The following KLHL29 variants were observed in gnomAD, a reference collection of about 807,000 sequenced individuals.
The protein encoded by KLHL29 is kelch-like protein 29.
In KLHL29, 21 loss-of-function variants were observed where a neutral mutation model predicts 80.4. That is an observed-to-expected ratio of 0.26 (90% CI 0.19 to 0.38). The LOEUF (loss-of-function observed/expected upper bound fraction) is 0.38. Among genes scored for constraint, KLHL29 ranks in the 10% least tolerant of loss-of-function variants. The probability of loss-of-function intolerance (pLI) is 1.00; values close to 1 mark genes in which losing one functional copy is unlikely to be tolerated. For synonymous variants in KLHL29, 511 were observed against 526.8 expected, an observed-to-expected ratio of 0.97 and a Z score of 0.41; for missense variants, 867 against 1,223.9, an observed-to-expected ratio of 0.71 and a Z score of 4.35.
chr2:23,523,932 C>A (rs777343648), intron 2 of KLHL29: 4 of 465,496 alleles, frequency 8.6e-6, no homozygotes, highest in African/African-American at 2.0e-5. Flanking sequence ...GAAAGAGGGA[C>A]CTTGAAGTAA....
intron 2 of KLHL29, among the ~76,000 whole-genome samples, chr2:23,557,956 A>G (rs953746548): frequency 2.6e-5 from 4 of 152,258 alleles, no homozygotes; most frequent in Middle Eastern, 6.8e-3. Context: ...CAGTGTGCGT[A>G]GGGAAACGCT....
At chr2:23,594,770 C>A (rs1279157032) in intron 3 of KLHL29, among the ~76,000 whole-genome samples, 1 of 152,190 alleles carries the variant, frequency 6.6e-6, no homozygotes, top group Non-Finnish European at 1.5e-5. Flanking sequence ...AATGCTGCTC[C>A]CATTCTACAT....
At chr2:23,452,664 T>A (rs1663915868) in intron 1 of KLHL29, among the ~76,000 whole-genome samples, 1 of 152,226 alleles carries the variant, frequency 6.6e-6, no homozygotes, top group Non-Finnish European at 1.5e-5. Context: ...ACTGTCCCTG[T>A]TGGTCTTCTT....
intron 1 of KLHL29, among the ~76,000 whole-genome samples, chr2:23,429,053 G>A (rs1033243522): frequency 1.3e-4 from 20 of 152,200 alleles, no homozygotes; most frequent in African/African-American, 4.8e-4. Context: ...TGTGCACAGC[G>A]AGGGAGTTTG....
chr2:23,625,420 GA>G (rs1194812950), intron 3 of KLHL29, among the ~76,000 whole-genome samples: 1 of 152,228 alleles, frequency 6.6e-6, no homozygotes, highest in Non-Finnish European at 1.5e-5. Context: ...GGGCACGGTG[GA>G]TTCTCCGGAG....
intron 2 of KLHL29, among the ~76,000 whole-genome samples, chr2:23,516,845 TGAGGCAG>T (rs370119287): frequency 2.2e-4 from 33 of 152,088 alleles, no homozygotes; most frequent in African/African-American, 6.5e-4. Context: ...TGATCTGGGG[TGAGGCAG>T]GAGGCAGGAG....
At chr2:23,670,931 TC>T (rs746189772) in intron 5 of KLHL29, among the ~76,000 whole-genome samples, 124 of 8,138 alleles carry the variant, frequency 0.015, 8 homozygotes, top group South Asian at 0.054. Context: ...TCTCTCTCTC[TC>T]TCTCTCTCTC....
chr2:23,653,856 T>C (rs1303659531), intron 5 of KLHL29, among the ~76,000 whole-genome samples: 2 of 152,126 alleles, frequency 1.3e-5, no homozygotes, highest in African/African-American at 4.8e-5. Flanking sequence ...AAAACGACTC[T>C]TATATCCTGG....
At position 23,642,316 on chromosome 2, in the gene KLHL29, G is replaced by A. The variant is rs79288680; in HGVS notation, c.428-22G>A. 3,071 of 1,394,146 alleles carry A rather than the reference G, an allele frequency of 2.2e-3. 43 individuals are homozygous for A. In the African/African-American group the frequency reaches 0.03, roughly 13 times the overall value. 86.4% of individuals were successfully genotyped at this position (1,394,146 alleles called of 1,614,324 possible). A position where few individuals can be genotyped will look rare whatever the true frequency, so the allele number is the denominator to read the frequency against. Reference sequence around the variant, plus strand: ...AATGAAAATGTAACCGGCAGATGACGTTTCTTCCATCTCCCTTGCAGGCAC... The same window carrying A: ...AATGAAAATGTAACCGGCAGATGACATTTCTTCCATCTCCCTTGCAGGCAC... On this transcript the variant is annotated intron_variant, in intron 4 of 13. Transcript: ENST00000486442.
rs558466482 is a variant in KLHL29 at position 23,528,286 on chromosome 2, T to G, written c.-45-33866T>G. Among the ~76,000 whole-genome samples, 8 of 152,194 alleles carry G rather than the reference T, an allele frequency of 5.3e-5. No individual in the cohort carries two copies. The South Asian group carries it at 1.7e-3, about 32-fold the overall frequency. ...ATGGGGCTCTGCTGACGGAGGGTGTTTAACAATGAAGCCCTGGGCCGGTTT... is the reference window on the plus strand; with the variant it reads ...ATGGGGCTCTGCTGACGGAGGGTGTGTAACAATGAAGCCCTGGGCCGGTTT... On this transcript the variant is annotated intron_variant, in intron 2 of 13. Coordinates refer to ENST00000486442, the MANE Select transcript of KLHL29 (RefSeq NM_052920.2).
chr2:23,527,785 A>G (rs1666371927), intron 2 of KLHL29, among the ~76,000 whole-genome samples: 1 of 152,216 alleles, frequency 6.6e-6, no homozygotes, highest in Non-Finnish European at 1.5e-5. Flanking sequence ...CATAGGAGCA[A>G]CTGGTAGTCC....
intron 1 of KLHL29, among the ~76,000 whole-genome samples, chr2:23,473,416 T>G (rs1664549708): frequency 1.3e-5 from 2 of 151,950 alleles, no homozygotes; most frequent in Non-Finnish European, 2.9e-5. Context: ...AGCCAATGGG[T>G]CATTCACTTC....
At chr2:23,611,303 G>A (rs758658245) in intron 3 of KLHL29, among the ~76,000 whole-genome samples, 1 of 152,174 alleles carries the variant, frequency 6.6e-6, no homozygotes, top group Non-Finnish European at 1.5e-5. Flanking sequence ...TGAGCAGGGC[G>A]CTTGACAGCA....
intron 3 of KLHL29, among the ~76,000 whole-genome samples, chr2:23,573,038 C>A (rs1667755598): frequency 7.2e-6 from 1 of 139,498 alleles, no homozygotes; most frequent in Admixed American, 7.4e-5. Context: ...GAAGACGTAA[C>A]CCCGTGGTGA....
At chr2:23,407,299 C>A (rs1159759314) in intron 1 of KLHL29, among the ~76,000 whole-genome samples, 1 of 151,708 alleles carries the variant, frequency 6.6e-6, no homozygotes, top group South Asian at 2.1e-4. Context: ...CTCACTTTAC[C>A]CTATTCTATC....
At chr2:23,490,601 G>A (rs953429975) in intron 2 of KLHL29, among the ~76,000 whole-genome samples, 2 of 152,098 alleles carry the variant, frequency 1.3e-5, no homozygotes, top group African/African-American at 2.4e-5. Flanking sequence ...TACCATGGGG[G>A]AAAAAACCCA....
intron 2 of KLHL29, among the ~76,000 whole-genome samples, chr2:23,534,083 T>C (rs1572384382): frequency 6.6e-6 from 1 of 152,192 alleles, no homozygotes; most frequent in African/African-American, 2.4e-5. Context: ...CGGGGATGCC[T>C]TTCCAAGCAA....
chr2:23,448,346 C>A (rs1044434989), intron 1 of KLHL29, among the ~76,000 whole-genome samples: 11 of 152,192 alleles, frequency 7.2e-5, no homozygotes, highest in African/African-American at 2.7e-4. Flanking sequence ...TAATCAGATC[C>A]TTGTGACAAC....
chr2:23,582,639 A>G (rs1397170183), intron 3 of KLHL29, among the ~76,000 whole-genome samples: 1 of 152,198 alleles, frequency 6.6e-6, no homozygotes, highest in Non-Finnish European at 1.5e-5. Context: ...TTCTTGGCTC[A>G]CCTGTGAACT....
Sources: allele counts gnomAD v4.1 joint callset (sites outside exome capture counted in the v4.1 genomes callset), GRCh38; gene constraint gnomAD v4.1.1; transcripts MANE v1.5; gene names NCBI Gene and HGNC (gene_info 2026-07-23, HGNC 2026-07-21).